The following BIRC6 variants were observed in gnomAD, a reference collection of about 807,000 sequenced individuals.
BIRC6 encodes the protein dual E2 ubiquitin-conjugating enzyme/E3 ubiquitin-protein ligase BIRC6.
In BIRC6, 98 loss-of-function variants were observed where a neutral mutation model predicts 503.3. The ratio of observed to expected loss-of-function variants is 0.19; its 90% CI spans 0.17 to 0.23. The LOEUF is 0.23. Among genes scored for constraint, BIRC6 ranks in the 10% least tolerant of loss-of-function variants. BIRC6 has a pLI of 1.00. For missense variants in BIRC6, 5,360 were observed against 5,806.0 expected, an observed-to-expected ratio of 0.92 and a Z score of 2.50; for synonymous variants, 2,240 against 2,078.7, an observed-to-expected ratio of 1.08 and a Z score of -2.11.
intron 45 of BIRC6, 33 bp downstream of exon 45, chr2:32,493,700 T>TA: frequency 6.7e-7 from 1 of 1,503,188 alleles, no homozygotes; most frequent in Non-Finnish European, 9.1e-7. Context: ...GTTCCTGATA[T>TA]AGAAGTAACA....
intron 45 of BIRC6, among the ~76,000 whole-genome samples, chr2:32,496,376 A>T (rs774837203): frequency 2.6e-5 from 4 of 151,774 alleles, no homozygotes; most frequent in Non-Finnish European, 5.9e-5. Context: ...CAGGCCCATC[A>T]CCATGCCTGG....
At chr2:32,456,810 T>C (rs2047311944) in intron 23 of BIRC6, among the ~76,000 whole-genome samples, 1 of 152,248 alleles carries the variant, frequency 6.6e-6, no homozygotes, top group Non-Finnish European at 1.5e-5. Context: ...ATGAGGCCAG[T>C]ATGTTAAAAA....
At chr2:32,375,743 C>CT (rs34370291) in intron 1 of BIRC6, among the ~76,000 whole-genome samples, 2,905 of 138,328 alleles carry the variant, frequency 0.021, 73 homozygotes, top group African/African-American at 0.063. Context: ...CTTTCTCTCT[C>CT]TTTTTTTTTT....
chr2:32,511,216 T>A (rs1350359911), intron 53 of BIRC6, among the ~76,000 whole-genome samples: 1 of 144,826 alleles, frequency 6.9e-6, no homozygotes, highest in East Asian at 2.0e-4. Flanking sequence ...TTTTTTTTTT[T>A]TTTTTTTTTT....
chr2:32,568,840 G>T (rs765886657), intron 65 of BIRC6, among the ~76,000 whole-genome samples: 42 of 149,720 alleles, frequency 2.8e-4, no homozygotes, highest in Middle Eastern at 6.8e-3. Flanking sequence ...GCGAAACTCA[G>T]TCTCAAAAAA....
chr2:32,503,146 C>T lies in BIRC6; in HGVS notation c.9409C>T (p.Pro3137Ser). The T allele has an allele frequency of 6.2e-7, 1 of 1,612,504 alleles. No individual in the cohort carries two copies. The highest frequency in any genetic ancestry group is 8.5e-7 in the Non-Finnish European group (1 of 1,179,212). ...STIMKFLDSG[P>S]NKAVDSTLKT... ...TATTATGAAATTTCTTGACTCTGGT[C>T]CAAATAAAGCTGTTGACAGCACATT... Residue 3137 changes from proline (P) to serine (S), a missense_variant, in exon 49 of 74, where the codon CCA becomes TCA. Pro to Ser is a moderately conservative substitution (Grantham distance 74). Coordinates refer to ENST00000421745, the MANE Select transcript of BIRC6 (RefSeq NM_016252.4).
Position 32,509,734 on chromosome 2 carries a change from T to C in BIRC6, c.9981-4T>C, listed in dbSNP as rs371134635. 6.2e-7 allele frequency: 1 copy of C among 1,613,572 alleles called. No homozygotes were observed. The highest frequency in any genetic ancestry group is 8.5e-7 in the Non-Finnish European group (1 of 1,179,812). ...TGATCATACAAGTCATTTTGTATTT[T>C]CAGTATTGGATGGTTACGGTTATTA... On this transcript the variant is annotated splice_polypyrimidine_tract_variant and splice_region_variant and intron_variant, in intron 51 of 73. Coordinates refer to ENST00000421745, the MANE Select transcript of BIRC6 (RefSeq NM_016252.4).
At chr2:32,496,277 G>A (rs534398863) in intron 45 of BIRC6, among the ~76,000 whole-genome samples, 10 of 151,574 alleles carry the variant, frequency 6.6e-5, no homozygotes, top group African/African-American at 2.4e-4. Flanking sequence ...CCAGGATGGA[G>A]TGCTGTGGCG....
In BIRC6 at chr2:32,377,663, T is replaced by C; in HGVS notation, c.401T>C (p.Val134Ala). Reference sequence around the variant, plus strand: ...GTTATATTTGTGGATGATTATGCAGTAGGGTGTAGGAAGGACCTTAATGGA... The same window carrying C: ...GTTATATTTGTGGATGATTATGCAGCAGGGTGTAGGAAGGACCTTAATGGA... ...DKVIFVDDYA[V>A]GCRKDLNGIL... Residue 134 changes from valine to alanine, a missense_variant, in exon 2 of 74, where the codon GTA becomes GCA. Around this residue, in one of 16 missense-constraint regions of BIRC6, gnomAD observed 47 missense variants for 93.3 expected, o/e 0.50. Transcript: ENST00000421745. 6.2e-7 allele frequency: 1 copy of C among 1,613,414 alleles called. No individual in the cohort carries two copies. Among genetic ancestry groups the C allele is most frequent in the Non-Finnish European group, 8.5e-7 (1 of 1,179,492 alleles).
At position 32,607,587 on chromosome 2, in the gene BIRC6, A is replaced by G. The variant is rs2062557896; in HGVS notation, c.14203A>G (p.Thr4735Ala). Residue 4735 changes from threonine to alanine, a missense_variant, in exon 72 of 74, where the codon ACA becomes GCA. Physicochemically the swap from Thr to Ala is moderately conservative, Grantham distance 58 (BLOSUM62 0). This residue lies in a region of BIRC6 where 40 missense variants were observed against 53.4 expected (regional missense o/e 0.75). Coordinates refer to ENST00000421745, the MANE Select transcript of BIRC6 (RefSeq NM_016252.4). ...REYDGNIRQA[T>A]VKWAMLEQIR... ...ATATGATGGAAACATTCGACAAGCAACAGTTAAGTGGGCAATGCTAGAACA... is the reference window on the plus strand; with the variant it reads ...ATATGATGGAAACATTCGACAAGCAGCAGTTAAGTGGGCAATGCTAGAACA... 1 of 1,613,794 alleles carries G rather than the reference A, an allele frequency of 6.2e-7. No individual in the cohort carries two copies. The highest frequency in any genetic ancestry group is 8.5e-7 in the Non-Finnish European group (1 of 1,179,806).
At chr2:32,545,890 TA>T (rs766678953) in intron 63 of BIRC6, 30 bp downstream of exon 63, 2 of 1,575,512 alleles carry the variant, frequency 1.3e-6, no homozygotes, top group Non-Finnish European at 1.7e-6. Flanking sequence ...TTTCAGTTAT[TA>T]AAAAAACTAG....
intron 44 of BIRC6, among the ~76,000 whole-genome samples, chr2:32,492,189 T>C (rs1452230879): frequency 6.6e-6 from 1 of 152,122 alleles, no homozygotes; most frequent in Non-Finnish European, 1.5e-5. Flanking sequence ...TTCTTGGATT[T>C]GCCGTCAGAT....
chr2:32,359,827 C>T (rs2149062468), intron 1 of BIRC6, among the ~76,000 whole-genome samples: 1 of 152,220 alleles, frequency 6.6e-6, no homozygotes, highest in African/African-American at 2.4e-5. Context: ...CCTCAGCCTC[C>T]CAAAGTGCTG....
chr2:32,531,666 T>C, intron 61 of BIRC6, 115 bp downstream of exon 61: 2 of 961,926 alleles, frequency 2.1e-6, no homozygotes, highest in Non-Finnish European at 3.0e-6. Flanking sequence ...CTTTGCTTTA[T>C]ATTTTTTGAA....
intron 65 of BIRC6, chr2:32,558,770 A>G (rs1325490935): frequency 6.6e-6 from 1 of 152,230 alleles, no homozygotes; most frequent in Non-Finnish European, 1.5e-5. Context: ...CAAGCTTCAT[A>G]TCAAAGATGG....
At chr2:32,529,896 CTTAA>C (rs963772663) in intron 60 of BIRC6, 72 bp downstream of exon 60, 7 of 955,404 alleles carry the variant, frequency 7.3e-6, no homozygotes, top group Non-Finnish European at 9.9e-6. Flanking sequence ...TAGCTAATGA[CTTAA>C]TTGACTTGTG....
At chr2:32,416,555 T>C (rs919162101) in intron 10 of BIRC6, among the ~76,000 whole-genome samples, 15 of 151,966 alleles carry the variant, frequency 9.9e-5, no homozygotes, top group Non-Finnish European at 2.1e-4. Flanking sequence ...CTTATTAGAA[T>C]GAAATTATGT....
intron 62 of BIRC6, among the ~76,000 whole-genome samples, chr2:32,543,779 C>T (rs2057849716): frequency 6.6e-6 from 1 of 152,184 alleles, no homozygotes; most frequent in South Asian, 2.1e-4. Flanking sequence ...TTGGGCATCA[C>T]TGGGGGGATG....
chr2:32,393,056 G>T (rs988394313), intron 5 of BIRC6, among the ~76,000 whole-genome samples: 4 of 151,902 alleles, frequency 2.6e-5, no homozygotes, highest in Non-Finnish European at 5.9e-5. Context: ...TAACACAGTA[G>T]TAGATGCTTA....
Sources: allele counts gnomAD v4.1 joint callset (sites outside exome capture counted in the v4.1 genomes callset), GRCh38; gene constraint gnomAD v4.1.1; regional missense constraint gnomAD v4.1.1; transcripts MANE v1.5; gene names NCBI Gene and HGNC (gene_info 2026-07-23, HGNC 2026-07-21).